SCAPER: variants seen among roughly 807,000 people sequenced by gnomAD.
SCAPER encodes the protein S phase cyclin A-associated protein in the endoplasmic reticulum.
Under a neutral mutation model 182.2 loss-of-function variants are expected in SCAPER, and 98 were observed. The observed-to-expected ratio is 0.54, with a 90% CI of 0.46 to 0.64. SCAPER has a LOEUF of 0.64. Among genes scored for constraint, SCAPER ranks in the 30% least tolerant of loss-of-function variants. SCAPER has a pLI of 0.00. For missense variants in SCAPER, 1,432 were observed against 1,690.0 expected (o/e 0.85, Z 2.68); for synonymous variants, 605 against 564.6 (o/e 1.07, Z -1.01).
intron 22 of SCAPER, among the ~76,000 whole-genome samples, chr15:76,581,289 A>G (rs2048251793): frequency 6.6e-6 from 1 of 152,348 alleles, no homozygotes; most frequent in South Asian, 2.1e-4. Flanking sequence ...GTGGAGGAGA[A>G]GGGAATATTT....
intron 23 of SCAPER, among the ~76,000 whole-genome samples, chr15:76,531,897 C>T (rs1280948711): frequency 6.6e-6 from 1 of 152,146 alleles, no homozygotes; most frequent in East Asian, 1.9e-4. Context: ...CAGGGATTGG[C>T]AAAGAAGCTA....
intron 22 of SCAPER, among the ~76,000 whole-genome samples, chr15:76,578,155 C>G (rs1607016): frequency 0.083 from 12,597 of 152,044 alleles, 597 homozygotes; most frequent in Middle Eastern, 0.12. Context: ...AGGACTTTGT[C>G]TTGTGGTTTG....
At chr15:76,647,084 T>G (rs1487542140) in intron 21 of SCAPER, among the ~76,000 whole-genome samples, 2 of 152,208 alleles carry the variant, frequency 1.3e-5, no homozygotes, top group Non-Finnish European at 2.9e-5. Flanking sequence ...CATCTAATTC[T>G]TCCACAAATT....
chr15:76,364,414 C>G (rs942338646), intron 29 of SCAPER, among the ~76,000 whole-genome samples: 1 of 152,114 alleles, frequency 6.6e-6, no homozygotes, highest in Non-Finnish European at 1.5e-5. Flanking sequence ...CCAGAAGAAG[C>G]TAAAAAGCCA....
intron 23 of SCAPER, among the ~76,000 whole-genome samples, chr15:76,517,910 A>G (rs2042563009): frequency 6.6e-6 from 1 of 152,222 alleles, no homozygotes; most frequent in Non-Finnish European, 1.5e-5. Flanking sequence ...AGCTAAAAAA[A>G]AAAATCCTTG....
intron 16 of SCAPER, among the ~76,000 whole-genome samples, chr15:76,730,115 T>G (rs563544395): frequency 6.6e-6 from 1 of 151,956 alleles, no homozygotes; most frequent in African/African-American, 2.4e-5. Flanking sequence ...CAGTAAAAGA[T>G]AGCAGAAAAA....
intron 25 of SCAPER, among the ~76,000 whole-genome samples, chr15:76,458,648 T>C (rs2048925275): frequency 6.6e-6 from 1 of 152,188 alleles, no homozygotes; most frequent in African/African-American, 2.4e-5. Context: ...ACCTCAAGCA[T>C]TTATCATTTC....
At chr15:76,805,714 C>G (rs561580463) in intron 5 of SCAPER, among the ~76,000 whole-genome samples, 1 of 152,030 alleles carries the variant, frequency 6.6e-6, no homozygotes, top group South Asian at 2.1e-4. Context: ...ATTACAGGCA[C>G]GTGCCACCAT....
In SCAPER at chr15:76,894,169, T is replaced by G. The variant is rs951868961; in HGVS notation, c.-59-10293A>C. ...TGGGAGGCTGAGGCAGGAGAATCGC[T>G]TGACCCTGGGAGGTGGAGGTTGCAG... On this transcript the variant is annotated intron_variant, in intron 1 of 31. Coordinates refer to ENST00000563290, the MANE Select transcript of SCAPER (RefSeq NM_020843.4). Among the ~76,000 whole-genome samples the G allele has an allele frequency of 3.3e-5, 5 of 152,234 alleles. No homozygotes were observed. The East Asian group carries it at 5.8e-4, about 18-fold the overall frequency.
At chr15:76,704,842 T>G (rs1733594096) in intron 18 of SCAPER, among the ~76,000 whole-genome samples, 1 of 151,968 alleles carries the variant, frequency 6.6e-6, no homozygotes, top group South Asian at 2.1e-4. Context: ...AAAACCACAA[T>G]GAGATACCAT....
At chr15:76,582,713 T>C (rs763348615) in intron 22 of SCAPER, among the ~76,000 whole-genome samples, 8 of 152,144 alleles carry the variant, frequency 5.3e-5, no homozygotes, top group Non-Finnish European at 1.2e-4. Flanking sequence ...TACAAAGCTA[T>C]AGTAACCAAA....
intron 4 of SCAPER, among the ~76,000 whole-genome samples, chr15:76,851,755 G>A (rs1357194540): frequency 2.6e-5 from 4 of 151,896 alleles, no homozygotes; most frequent in Non-Finnish European, 5.9e-5. Flanking sequence ...CACAGATCAG[G>A]GACACTATAA....
chr15:76,444,754 A>G (rs971060192), intron 25 of SCAPER, among the ~76,000 whole-genome samples: 1 of 152,114 alleles, frequency 6.6e-6, no homozygotes, highest in Non-Finnish European at 1.5e-5. Context: ...TGAATGTTAG[A>G]TTTCTTGTTA....
chr15:76,636,679 G>A (rs561149524), intron 21 of SCAPER, among the ~76,000 whole-genome samples: 2 of 152,296 alleles, frequency 1.3e-5, no homozygotes, highest in African/African-American at 4.8e-5. Context: ...TGCTGTTGAG[G>A]TGGAGAGTAA....
At chr15:76,823,153 G>GT in intron 5 of SCAPER, among the ~76,000 whole-genome samples, 1 of 152,268 alleles carries the variant, frequency 6.6e-6, no homozygotes, top group Non-Finnish European at 1.5e-5. Context: ...ACTTATAAGT[G>GT]TTTTTAAACA....
chr15:76,467,300 A>G (rs1374899710), intron 25 of SCAPER, among the ~76,000 whole-genome samples: 7 of 152,154 alleles, frequency 4.6e-5, no homozygotes, highest in Non-Finnish European at 1.0e-4. Flanking sequence ...TGTTGTTCTC[A>G]GCAGCATCCA....
chr15:76,360,720 T>C (rs990273021), intron 29 of SCAPER, among the ~76,000 whole-genome samples: 2 of 152,230 alleles, frequency 1.3e-5, no homozygotes, highest in African/African-American at 4.8e-5. Flanking sequence ...CTTGGCTTGG[T>C]ATCAAATAAC....
In SCAPER at chr15:76,504,852, T is replaced by C. The variant is rs373690217; in HGVS notation, c.2954+7A>G. The stretch of plus-strand genomic sequence containing the variant: ...ACGTAAAAAATAGATTAAGAAACTA[T>C]ACTTACTTAGGAGGAATTCTTAAAA... On this transcript the variant is annotated splice_region_variant and intron_variant, in intron 24 of 31. Coordinates refer to ENST00000563290, the MANE Select transcript of SCAPER (RefSeq NM_020843.4). 8 of 1,592,088 alleles carry C rather than the reference T, an allele frequency of 5.0e-6. No homozygotes were observed. In the African/African-American group the frequency reaches 1.1e-4, roughly 22 times the overall value.
chr15:76,668,971 T>C (rs1861041963), intron 20 of SCAPER, among the ~76,000 whole-genome samples: 1 of 152,240 alleles, frequency 6.6e-6, no homozygotes, highest in Non-Finnish European at 1.5e-5. Context: ...ATATTTTTAT[T>C]ATCCTCATTT....
Sources: gnomAD v4.1 joint callset for allele counts (sites outside exome capture counted in the v4.1 genomes callset) on GRCh38, gnomAD v4.1.1 for gene constraint, MANE v1.5 for transcripts, NCBI Gene and HGNC (gene_info 2026-07-23, HGNC 2026-07-21) for gene names.